Variants in LYPD1 observed in about 807,000 individuals in gnomAD.
The protein encoded by LYPD1 is LY6/PLAUR domain containing 1, also known as ly6/PLAUR domain-containing protein 1.
LYPD1 carries 14 observed loss-of-function variants against 14.2 expected under a neutral mutation model. The ratio of observed to expected loss-of-function variants is 0.99; its 90% confidence interval spans 0.65 to 1.54. LYPD1 has a LOEUF of 1.54. LYPD1 is among the 40% of genes most tolerant of loss of function. The pLI is 0.00. For missense variants in LYPD1, 165 were observed against 175.7 expected (o/e 0.94, Z 0.34); for synonymous variants, 85 against 70.6 (o/e 1.20, Z -1.02).
intron 1 of LYPD1, 116 bp from the exon 2 acceptor site, chr2:132,668,653 A>G: frequency 7.2e-7 from 1 of 1,389,632 alleles, no homozygotes; most frequent in South Asian, 1.4e-5. Context: ...GGCTTAGACC[A>G]CTCCTGGGTC....
intron 1 of LYPD1, 80 bp from the exon 2 acceptor site, chr2:132,668,617 A>T (rs1216381184): frequency 2.6e-6 from 4 of 1,553,254 alleles, no homozygotes; most frequent in Non-Finnish European, 3.5e-6. Context: ...CACGCCTCAG[A>T]GCCAGGCGGC....
rs1237359342 is a variant in LYPD1, at chr2:132,646,186, T to A, written c.285A>T (p.Ser95=). 5.0e-6 allele frequency: 8 copies of A among 1,609,676 alleles called. No homozygotes were observed. Among genetic ancestry groups the A allele is most frequent in the Non-Finnish European group, 6.8e-6 (8 of 1,177,684 alleles). ...GGGTGTTGCAGCAGCTGATGCAAAC[T>A]GAGTTCAGTTTCCCTGGGGAGCAGA... ...QSFCSPGKLN[S]VCISCCNTPL... The change falls in exon 3 of 3, where the codon TCA becomes TCT. Residue 95 remains serine, a synonymous_variant. Transcript: ENST00000397463.
intron 2 of LYPD1, among the ~76,000 whole-genome samples, chr2:132,663,650 A>T (rs759888884): frequency 9.9e-5 from 15 of 152,182 alleles, no homozygotes; most frequent in African/African-American, 3.6e-4. Flanking sequence ...TTTGTTTTGC[A>T]CTTTATTCAT....
rs1681974791 is a variant in LYPD1 at position 132,644,984 on chromosome 2, C to A, written c.*1061G>T. On this transcript the variant is annotated 3_prime_UTR_variant, in exon 3 of 3. Coordinates refer to ENST00000397463, the MANE Select transcript of LYPD1 (RefSeq NM_144586.7). ...CAACACTGAAAAATTGGTACCATTT[C>A]CTGGCCAGTAAGCACAGAACAGAGG... 3.3e-6 allele frequency: 4 copies of A among 1,198,280 alleles called. No individual in the cohort carries two copies. The highest frequency in any genetic ancestry group is 3.5e-6 in the Non-Finnish European group (3 of 869,176). 74.2% of individuals were successfully genotyped at this position (1,198,280 alleles called of 1,614,324 possible). A position where few individuals can be genotyped will look rare whatever the true frequency, so the allele number is the denominator to read the frequency against.
At chr2:132,647,790 C>A (rs993446748) in intron 2 of LYPD1, among the ~76,000 whole-genome samples, 5 of 152,194 alleles carry the variant, frequency 3.3e-5, no homozygotes, top group African/African-American at 1.2e-4. Context: ...CTTACCCACT[C>A]CTTTCCTGCA....
chr2:132,659,614 C>T (rs539567252), intron 2 of LYPD1, among the ~76,000 whole-genome samples: 3 of 152,206 alleles, frequency 2.0e-5, no homozygotes, highest in African/African-American at 7.2e-5. Context: ...CCCTCTTTCC[C>T]TTGCAGCAGT....
intron 2 of LYPD1, among the ~76,000 whole-genome samples, chr2:132,660,054 TGA>T (rs1375808859): frequency 6.6e-6 from 1 of 152,220 alleles, no homozygotes; most frequent in African/African-American, 2.4e-5. Flanking sequence ...CACTGCAGGC[TGA>T]GAGCCGCGTG....
At chr2:132,654,010 C>T (rs1213048535) in intron 2 of LYPD1, among the ~76,000 whole-genome samples, 2 of 152,100 alleles carry the variant, frequency 1.3e-5, no homozygotes, top group African/African-American at 4.8e-5. Flanking sequence ...AACGTGGGAT[C>T]CTGGATAGGA....
chr2:132,671,450 C>G (rs1683733044), upstream of LYPD1: 1 of 152,306 alleles, frequency 6.6e-6, no homozygotes, highest in African/African-American at 2.4e-5. Context: ...ATTTCTGCAT[C>G]CTCCCAGCAG....
intron 2 of LYPD1, among the ~76,000 whole-genome samples, chr2:132,655,779 G>C (rs1682560520): frequency 6.6e-6 from 1 of 152,126 alleles, no homozygotes; most frequent in Non-Finnish European, 1.5e-5. Context: ...CTCCCAAAGT[G>C]CTGGGATTAC....
chr2:132,649,391 G>A (rs2104898443), intron 2 of LYPD1, among the ~76,000 whole-genome samples: 1 of 152,284 alleles, frequency 6.6e-6, no homozygotes, highest in South Asian at 2.1e-4. Context: ...CTGCAAAGAA[G>A]TGGAAATAAG....
At chr2:132,651,638 A>G (rs557768475) in intron 2 of LYPD1, among the ~76,000 whole-genome samples, 54 of 152,358 alleles carry the variant, frequency 3.5e-4, no homozygotes, top group African/African-American at 1.1e-3. Context: ...TTTATACTAT[A>G]CATATTAAGC....
At chr2:132,646,858 G>A (rs1466135215) in intron 2 of LYPD1, among the ~76,000 whole-genome samples, 1 of 152,200 alleles carries the variant, frequency 6.6e-6, no homozygotes, top group African/African-American at 2.4e-5. Flanking sequence ...GTCCCTCACA[G>A]TCTTATTCTA....
intron 2 of LYPD1, among the ~76,000 whole-genome samples, chr2:132,651,283 A>G (rs1318579213): frequency 6.6e-6 from 1 of 152,196 alleles, no homozygotes; most frequent in Admixed American, 6.5e-5. Context: ...CTTCCTAGCT[A>G]TGTCCACCAG....
At chr2:132,651,114 A>G (rs938981245) in intron 2 of LYPD1, among the ~76,000 whole-genome samples, 1 of 152,220 alleles carries the variant, frequency 6.6e-6, no homozygotes, top group Non-Finnish European at 1.5e-5. Context: ...CTGGCGTGAG[A>G]TTCTAGGCGG....
chr2:132,651,907 C>T (rs905817121), intron 2 of LYPD1, among the ~76,000 whole-genome samples: 4 of 152,186 alleles, frequency 2.6e-5, no homozygotes, highest in Non-Finnish European at 4.4e-5. Context: ...GTCCACAACA[C>T]GATGAGGCAT....
At chr2:132,653,500 G>A (rs1682433744) in intron 2 of LYPD1, among the ~76,000 whole-genome samples, 1 of 152,172 alleles carries the variant, frequency 6.6e-6, no homozygotes, top group African/African-American at 2.4e-5. Flanking sequence ...AAGGATTCCA[G>A]TTAATAAATG....
Position 132,668,548 on chromosome 2 carries a change from G to T in LYPD1, c.53-11C>A. 6.2e-7 allele frequency: 1 copy of T among 1,610,972 alleles called. No homozygotes were observed. Among genetic ancestry groups the T allele is most frequent in the South Asian group, 1.1e-5 (1 of 90,546 alleles). On this transcript the variant is annotated splice_polypyrimidine_tract_variant and intron_variant, in intron 1 of 2. Coordinates refer to ENST00000397463, the MANE Select transcript of LYPD1 (RefSeq NM_144586.7). ...TTTGCAGCGCAAAGCCTGCGAGACA[G>T]ACGCAGTCGGGTTCAGATCCGGCCC... is the stretch of plus-strand genomic sequence containing the variant.
At chr2:132,664,420 C>A (rs1683152849) in intron 2 of LYPD1, among the ~76,000 whole-genome samples, 1 of 152,186 alleles carries the variant, frequency 6.6e-6, no homozygotes, top group Non-Finnish European at 1.5e-5. Flanking sequence ...CCCTGCCCAA[C>A]TTAATGAGCA....
Sources: allele counts gnomAD v4.1 joint callset (sites outside exome capture counted in the v4.1 genomes callset), GRCh38; gene constraint gnomAD v4.1.1; transcripts MANE v1.5; gene names NCBI Gene and HGNC (gene_info 2026-07-23, HGNC 2026-07-21).